The following ANK3 variants were observed in gnomAD, a reference collection of about 807,000 sequenced individuals.
ANK3 encodes the protein ankyrin 3, also known as ankyrin-3.
Under a neutral mutation model 370.9 loss-of-function variants are expected in ANK3, and 57 were observed. The observed-to-expected ratio is 0.15, with a 90% CI of 0.12 to 0.19. The LOEUF is 0.19. Ranked by LOEUF, ANK3 falls within the 10% of genes least tolerant of loss-of-function variation. The pLI, the probability that ANK3 is intolerant of heterozygous loss-of-function variation, is 1.00. For synonymous variants in ANK3, 1,929 were observed against 1,946.3 expected (o/e 0.99, Z 0.23); for missense variants, 4,439 against 5,302.1 (o/e 0.84, Z 5.06).
intron 1 of ANK3, among the ~76,000 whole-genome samples, chr10:60,642,363 C>T (rs1438238890): frequency 1.3e-5 from 2 of 151,700 alleles, no homozygotes; most frequent in African/African-American, 4.8e-5. Context: ...TTCACAATAG[C>T]AAAGACTTGG....
At chr10:60,409,627 G>C (rs888794384) in intron 2 of ANK3, among the ~76,000 whole-genome samples, 1 of 152,018 alleles carries the variant, frequency 6.6e-6, no homozygotes, top group Non-Finnish European at 1.5e-5. Context: ...CTGAACATTA[G>C]AGGCCATCCA....
intron 2 of ANK3, among the ~76,000 whole-genome samples, chr10:60,600,488 C>T (rs1044677328): frequency 2.0e-5 from 3 of 152,130 alleles, no homozygotes; most frequent in Non-Finnish European, 2.9e-5. Flanking sequence ...AGCACTTCAC[C>T]CTGCTTTCTG....
chr10:60,410,479 G>A (rs1488266091), intron 2 of ANK3, among the ~76,000 whole-genome samples: 1 of 152,058 alleles, frequency 6.6e-6, no homozygotes, highest in Non-Finnish European at 1.5e-5. Context: ...ATGGAGGGAG[G>A]GAAGAAGGAA....
intron 2 of ANK3, among the ~76,000 whole-genome samples, chr10:60,405,137 C>T (rs563906874): frequency 6.6e-6 from 1 of 152,230 alleles, no homozygotes; most frequent in African/African-American, 2.4e-5. Context: ...TAAAATAATA[C>T]AAACACCTAC....
In ANK3 at chr10:60,072,026, C is replaced by T. The variant is rs1230429202; in HGVS notation, c.8855G>A (p.Ser2952Asn). The change falls in exon 37 of 44, where the codon AGC (serine) becomes AAC (asparagine). Residue 2952 changes from serine (S) to asparagine (N), a missense_variant. Ser to Asn is a conservative substitution (Grantham distance 46). Coordinates refer to ENST00000280772, the MANE Select transcript of ANK3 (RefSeq NM_020987.5). ...GGLLDQPSRR[S>N]ESSAVSHIPV... ...AATGTGTGACACTGCTGAGCTCTCG[C>T]TCCTCCTGGAAGGCTGATCAAGCAA... The T allele has an allele frequency of 6.2e-7, 1 of 1,614,130 alleles. No individual in the cohort carries two copies. Among genetic ancestry groups the T allele is most frequent in the Non-Finnish European group, 8.5e-7 (1 of 1,180,014 alleles).
chr10:60,319,495 G>A (rs2048172726), intron 1 of ANK3, among the ~76,000 whole-genome samples: 1 of 152,100 alleles, frequency 6.6e-6, no homozygotes, highest in South Asian at 2.1e-4. Flanking sequence ...GATAGAATTT[G>A]TTATAAAGAA....
chr10:60,366,804 T>C (rs1185939872), intron 1 of ANK3, among the ~76,000 whole-genome samples: 1 of 152,188 alleles, frequency 6.6e-6, no homozygotes, highest in Non-Finnish European at 1.5e-5. Context: ...TGAAAGTCCT[T>C]TGTAAATAAT....
chr10:60,073,198 C>G lies in ANK3; in HGVS notation c.7683G>C (p.Glu2561Asp). ...PKHAMWMRFT[E>D]DRLDRGREKL... is the part of the protein sequence containing the mutation. ...TCTCTCTACCTCTGTCTAATCTGTC[C>G]TCAGTAAAGCGCATCCACATGGCAT... is the stretch of plus-strand genomic sequence containing the variant. The change falls in exon 37 of 44, where the codon GAG becomes GAC. Residue 2561 changes from glutamate (E) to aspartate (D), a missense_variant. Physicochemically the swap from Glu to Asp is conservative, Grantham distance 45 (BLOSUM62 2). Around this residue, in one of 13 missense-constraint regions of ANK3, gnomAD observed 1,601 missense variants for 1,731.7 expected, o/e 0.92. Coordinates refer to ENST00000280772, the MANE Select transcript of ANK3 (RefSeq NM_020987.5). 6.2e-7 allele frequency: 1 copy of G among 1,614,098 alleles called. No homozygotes were observed. The highest frequency in any genetic ancestry group is 8.5e-7 in the Non-Finnish European group (1 of 1,180,018).
intron 2 of ANK3, among the ~76,000 whole-genome samples, chr10:60,440,055 A>T (rs1233067914): frequency 6.6e-6 from 1 of 152,178 alleles, no homozygotes; most frequent in Non-Finnish European, 1.5e-5. Context: ...TCCATGTTAC[A>T]CAGAATGCTC....
chr10:60,275,840 T>G (rs2132692543), intron 4 of ANK3, among the ~76,000 whole-genome samples: 1 of 152,336 alleles, frequency 6.6e-6, no homozygotes, highest in South Asian at 2.1e-4. Flanking sequence ...GTATTTTATA[T>G]TATAAAGACA....
chr10:60,610,880 TAA>T (rs1309095801), intron 2 of ANK3, among the ~76,000 whole-genome samples: 2 of 152,172 alleles, frequency 1.3e-5, no homozygotes, highest in African/African-American at 4.8e-5. Flanking sequence ...TAAAGGATGC[TAA>T]ACAGTATGCT....
intron 1 of ANK3, among the ~76,000 whole-genome samples, chr10:60,358,467 C>A (rs532638365): frequency 6.6e-6 from 1 of 152,286 alleles, no homozygotes; most frequent in Admixed American, 6.5e-5. Context: ...TACTTCTCAG[C>A]CTCTCATTTG....
chr10:60,337,553 C>A (rs971403876), intron 1 of ANK3, among the ~76,000 whole-genome samples: 1 of 152,112 alleles, frequency 6.6e-6, no homozygotes, highest in Non-Finnish European at 1.5e-5. Flanking sequence ...TCTTTGACCC[C>A]ACAATCTCTT....
intron 1 of ANK3, among the ~76,000 whole-genome samples, chr10:60,363,083 C>A (rs934251979): frequency 5.5e-3 from 15 of 2,706 alleles, no homozygotes; most frequent in African/African-American, 0.019. Context: ...GGCGGGCGGG[C>A]GGGGGAGGGG....
At chr10:60,432,447 G>C (rs901479084) in intron 2 of ANK3, among the ~76,000 whole-genome samples, 1 of 152,110 alleles carries the variant, frequency 6.6e-6, no homozygotes, top group African/African-American at 2.4e-5. Context: ...TTACTTCCTA[G>C]TTCCTCCCTT....
intron 2 of ANK3, among the ~76,000 whole-genome samples, chr10:60,596,835 C>T (rs1177340385): frequency 6.6e-6 from 1 of 151,942 alleles, no homozygotes; most frequent in Non-Finnish European, 1.5e-5. Context: ...TGTGAGTGCC[C>T]CCAAATAAGA....
intron 2 of ANK3, among the ~76,000 whole-genome samples, chr10:60,514,021 C>T (rs547233612): frequency 5.9e-5 from 9 of 152,182 alleles, no homozygotes; most frequent in South Asian, 4.2e-4. Flanking sequence ...AACCTGAAGA[C>T]GAGGATGAAG....
chr10:60,225,285 T>C (rs2097123130), intron 8 of ANK3, among the ~76,000 whole-genome samples: 1 of 152,186 alleles, frequency 6.6e-6, no homozygotes, highest in Admixed American at 6.5e-5. Context: ...TGTTAGGCAG[T>C]TATCGAGATA....
At chr10:60,403,458 A>T (rs2063392388) in intron 2 of ANK3, among the ~76,000 whole-genome samples, 1 of 152,266 alleles carries the variant, frequency 6.6e-6, no homozygotes, top group South Asian at 2.1e-4. Flanking sequence ...TTTACAAAAT[A>T]TTAGCAAAAT....
Sources: gnomAD v4.1 joint callset for allele counts (sites outside exome capture counted in the v4.1 genomes callset) on GRCh38, gnomAD v4.1.1 for gene constraint, gnomAD v4.1.1 regional missense constraint, MANE v1.5 for transcripts, NCBI Gene and HGNC (gene_info 2026-07-23, HGNC 2026-07-21) for gene names.